The following PCDHA1 variants were observed in gnomAD, a reference collection of about 807,000 sequenced individuals.
The protein encoded by PCDHA1 is protocadherin alpha-1.
Under a neutral mutation model 61.3 loss-of-function variants are expected in PCDHA1, and 42 were observed. The observed-to-expected ratio is 0.69, with a 90% confidence interval of 0.54 to 0.89. PCDHA1 has a LOEUF of 0.89. Ranked by LOEUF, PCDHA1 falls within the 40% of genes least tolerant of loss-of-function variation. PCDHA1 has a pLI of 0.00. For synonymous variants in PCDHA1, 610 were observed against 553.8 expected (o/e 1.10, Z -1.43); for missense variants, 1,256 against 1,235.3 (o/e 1.02, Z -0.25).
intron 1 of PCDHA1, among the ~76,000 whole-genome samples, chr5:140,945,881 A>C (rs1334626828): frequency 6.6e-6 from 1 of 152,158 alleles, no homozygotes; most frequent in African/African-American, 2.4e-5. Flanking sequence ...AAAACTAACA[A>C]AGAAAACACA....
chr5:140,969,547 A>C, intron 1 of PCDHA1: 10 of 1,244,334 alleles, frequency 8.0e-6, no homozygotes, highest in Non-Finnish European at 9.8e-6. Flanking sequence ...AGAGGCATGA[A>C]GCCTTGTCCA....
intron 1 of PCDHA1, among the ~76,000 whole-genome samples, chr5:140,950,482 T>C (rs1384931498): frequency 6.6e-6 from 1 of 152,106 alleles, no homozygotes; most frequent in African/African-American, 2.4e-5. Flanking sequence ...TGATGAGAAG[T>C]GTGTAGTCAT....
At chr5:140,849,791 G>C (rs1482087320) in intron 1 of PCDHA1, 8 of 1,598,446 alleles carry the variant, frequency 5.0e-6, no homozygotes, top group Non-Finnish European at 6.8e-6. Context: ...ACGGGGGCTC[G>C]CCTTCACTGT....
chr5:140,955,951 T>C (rs529805581), intron 1 of PCDHA1, among the ~76,000 whole-genome samples: 12 of 152,248 alleles, frequency 7.9e-5, no homozygotes, highest in South Asian at 2.1e-4. Context: ...GTCTACTTGC[T>C]TGTTGTTTGT....
rs1219444085 is a variant in PCDHA1 at position 141,010,861 on chromosome 5, A to G, written c.*924A>G. On this transcript the variant is annotated 3_prime_UTR_variant, in exon 4 of 4. Coordinates refer to ENST00000504120, the MANE Select transcript of PCDHA1 (RefSeq NM_018900.4). ...ATTTATTTAAAAAAAGAGAAAGTCTATAGCTATAAATCTTTAAAGAGAAAT... is the reference window on the plus strand; with the variant it reads ...ATTTATTTAAAAAAAGAGAAAGTCTGTAGCTATAAATCTTTAAAGAGAAAT... 9.1e-5 allele frequency: 14 copies of G among 153,794 alleles called. No individual in the cohort carries two copies. Among genetic ancestry groups the G allele is most frequent in the African/African-American group, 3.1e-4 (13 of 41,468 alleles). 9.5% of individuals were successfully genotyped at this position (153,794 alleles called of 1,614,324 possible).
At chr5:140,870,906 C>A (rs201710263) in intron 1 of PCDHA1, 2 of 1,613,946 alleles carry the variant, frequency 1.2e-6, no homozygotes, top group South Asian at 2.2e-5. Flanking sequence ...CGGACTCAGG[C>A]TACAACGCGT....
At chr5:140,833,630 C>T (rs1253718011) in intron 1 of PCDHA1, among the ~76,000 whole-genome samples, 1 of 152,092 alleles carries the variant, frequency 6.6e-6, no homozygotes, top group East Asian at 1.9e-4. Context: ...ATACTTCCTC[C>T]TCAAAAAGTT....
chr5:140,896,764 G>C (rs2153454405), intron 1 of PCDHA1, among the ~76,000 whole-genome samples: 1 of 152,136 alleles, frequency 6.6e-6, no homozygotes, highest in East Asian at 1.9e-4. Context: ...GACCTTTGTT[G>C]GATGCATAGT....
chr5:140,951,779 CA>C (rs1402940575), intron 1 of PCDHA1, among the ~76,000 whole-genome samples: 1 of 152,142 alleles, frequency 6.6e-6, no homozygotes, highest in East Asian at 1.9e-4. Flanking sequence ...TCTTACATTG[CA>C]AAATACAATT....
intron 3 of PCDHA1, among the ~76,000 whole-genome samples, chr5:141,008,824 T>C (rs1042258496): frequency 6.6e-6 from 1 of 152,186 alleles, no homozygotes; most frequent in African/African-American, 2.4e-5. Flanking sequence ...TACAACAGGA[T>C]TCCATCCTCT....
chr5:140,855,778 TA>T, intron 1 of PCDHA1: 2 of 407,848 alleles, frequency 4.9e-6, no homozygotes, highest in Non-Finnish European at 8.8e-6. Context: ...TAAAAATACG[TA>T]AAAAAAGAAT....
rs1581023239 is a variant in PCDHA1, at chr5:140,842,959, C to T, written c.2394+54275C>T. Reference sequence around the variant, plus strand: ...GCGACGCGGGCGTGCCGCCTCTGGGCAGCAACGTGACGCTGCAGGTGTTCG... The same window carrying T: ...GCGACGCGGGCGTGCCGCCTCTGGGTAGCAACGTGACGCTGCAGGTGTTCG... On this transcript the variant is annotated intron_variant, in intron 1 of 3. Transcript: ENST00000504120. The T allele has an allele frequency of 1.9e-6, 3 of 1,594,954 alleles. No individual in the cohort carries two copies. The East Asian group carries it at 6.7e-5, about 36-fold the overall frequency.
chr5:140,797,123 C>T (rs1173603026), intron 1 of PCDHA1: 7 of 1,613,900 alleles, frequency 4.3e-6, no homozygotes, highest in African/African-American at 4.0e-5. Context: ...CTGTACACTG[C>T]GCTGCGGTGC....
intron 1 of PCDHA1, chr5:140,861,573 G>T: frequency 2.7e-6 from 1 of 368,992 alleles, no homozygotes. Context: ...GCTGCTACAG[G>T]TTTTCCATGT....
At chr5:140,904,113 G>C (rs1051705657) in intron 1 of PCDHA1, among the ~76,000 whole-genome samples, 4 of 152,248 alleles carry the variant, frequency 2.6e-5, no homozygotes, top group African/African-American at 9.6e-5. Context: ...TCATTGCTGA[G>C]ATTTTGGTGC....
chr5:140,836,333 T>C (rs2150258058), intron 1 of PCDHA1: 3 of 1,613,682 alleles, frequency 1.9e-6, no homozygotes, highest in South Asian at 2.2e-5. Flanking sequence ...TTCTGGTGCT[T>C]GTGAAGGACC....
At chr5:140,815,238 G>A (rs1765681734) in intron 1 of PCDHA1, 1 of 151,936 alleles carries the variant, frequency 6.6e-6, no homozygotes, top group African/African-American at 2.4e-5. Flanking sequence ...GTTAATTGTT[G>A]TTTGCAGCTT....
chr5:140,892,555 T>C (rs1554185273), intron 1 of PCDHA1, among the ~76,000 whole-genome samples: 1 of 152,260 alleles, frequency 6.6e-6, no homozygotes, highest in African/African-American at 2.4e-5. Context: ...TCTCTAGTCC[T>C]TGGAGACTGT....
intron 1 of PCDHA1, among the ~76,000 whole-genome samples, chr5:140,872,375 C>A (rs2053630195): frequency 6.6e-6 from 1 of 152,002 alleles, no homozygotes; most frequent in Admixed American, 6.6e-5. Flanking sequence ...GCCTGTAATC[C>A]CAGCTATTTG....
Sources: allele counts gnomAD v4.1 joint callset (sites outside exome capture counted in the v4.1 genomes callset), GRCh38; gene constraint gnomAD v4.1.1; transcripts MANE v1.5; gene names NCBI Gene and HGNC (gene_info 2026-07-23, HGNC 2026-07-21).